The following FAM13C variants were observed in gnomAD, a reference collection of about 807,000 sequenced individuals.
FAM13C encodes family with sequence similarity 13 member C, also known as protein FAM13C.
Under a neutral mutation model 73.2 loss-of-function variants are expected in FAM13C, and 37 were observed. That is an observed-to-expected ratio of 0.51 (90% CI 0.39 to 0.67). FAM13C has a LOEUF of 0.67. Among genes scored for constraint, FAM13C ranks in the 30% least tolerant of loss-of-function variants. The probability of loss-of-function intolerance (pLI) is 0.00; values close to 1 mark genes in which losing one functional copy is unlikely to be tolerated. For missense variants in FAM13C, 589 were observed against 715.6 expected, an observed-to-expected ratio of 0.82 and a Z score of 2.02; for synonymous variants, 246 against 260.9, an observed-to-expected ratio of 0.94 and a Z score of 0.55.
At position 59,247,134 on chromosome 10, in the gene FAM13C, A is replaced by G. The variant is rs1274833199; in HGVS notation, c.*480T>C. 2 of 156,880 alleles carry G rather than the reference A, an allele frequency of 1.3e-5. No homozygotes were observed. The highest frequency in any genetic ancestry group is 4.8e-5 in the African/African-American group (2 of 41,602). 9.7% of individuals were successfully genotyped at this position (156,880 alleles called of 1,614,324 possible). ...GTAGTAAATGTTTTATCACTCAAAA[A>G]TCCATTAGAAGTTTCAAATAAATTG... On this transcript the variant is annotated 3_prime_UTR_variant, in exon 14 of 14. Transcript: ENST00000618804.
chr10:59,286,532 T>TATATATATATATATATATATATATATAA (rs1845578927), intron 5 of FAM13C, among the ~76,000 whole-genome samples: 1 of 141,492 alleles, frequency 7.1e-6, no homozygotes, highest in Non-Finnish European at 1.5e-5. Context: ...TATATATATA[T>TATATATATATATATATATATATATATAA]ATATATATAT....
chr10:59,254,540 A>G (rs769727166), intron 10 of FAM13C, 97 bp from the exon 11 acceptor site: 2 of 505,626 alleles, frequency 4.0e-6, no homozygotes, highest in Non-Finnish European at 6.9e-6. Context: ...AAGGATTATA[A>G]TACTATAATG....
chr10:59,332,351 T>A (rs1852110316), intron 3 of FAM13C, among the ~76,000 whole-genome samples: 1 of 152,120 alleles, frequency 6.6e-6, no homozygotes, highest in Non-Finnish European at 1.5e-5. Flanking sequence ...TGTGTTGCTT[T>A]TATAATCTAA....
In FAM13C at chr10:59,246,656, G is replaced by T; in HGVS notation, c.*958C>A. 1 of 397,512 alleles carries T rather than the reference G, an allele frequency of 2.5e-6. No individual in the cohort carries two copies. Among genetic ancestry groups the T allele is most frequent in the South Asian group, 1.3e-4 (1 of 7,838 alleles). 24.6% of individuals were successfully genotyped at this position (397,512 alleles called of 1,614,324 possible). On this transcript the variant is annotated 3_prime_UTR_variant, in exon 14 of 14. Transcript: ENST00000618804. ...TTCTGGCTTCTTTTTCAAGGTATCAGGGCAAACAATTTCCAAACTTTTCAT... is the reference window on the plus strand; with the variant it reads ...TTCTGGCTTCTTTTTCAAGGTATCATGGCAAACAATTTCCAAACTTTTCAT...
At chr10:59,359,012 C>G (rs1215238968) in intron 1 of FAM13C, among the ~76,000 whole-genome samples, 1 of 152,222 alleles carries the variant, frequency 6.6e-6, no homozygotes, top group East Asian at 1.9e-4. Context: ...TAAATCATTT[C>G]TGTCCTTTCC....
At chr10:59,314,694 C>T (rs994511349) in intron 4 of FAM13C, among the ~76,000 whole-genome samples, 1 of 152,046 alleles carries the variant, frequency 6.6e-6, no homozygotes, top group Non-Finnish European at 1.5e-5. Context: ...TGGACCCCAC[C>T]CCCACTTAAA....
upstream of FAM13C, chr10:59,362,610 C>A: frequency 6.8e-7 from 1 of 1,467,210 alleles, no homozygotes; most frequent in South Asian, 1.4e-5. Context: ...CGTAACGACA[C>A]CCCCAGCAGG....
chr10:59,278,904 C>T (rs954972627), intron 6 of FAM13C, among the ~76,000 whole-genome samples: 1 of 152,124 alleles, frequency 6.6e-6, no homozygotes, highest in Non-Finnish European at 1.5e-5. Flanking sequence ...ATTCTGTGCA[C>T]TTCTGAGGTT....
intron 3 of FAM13C, among the ~76,000 whole-genome samples, chr10:59,337,533 G>A (rs1204871502): frequency 6.6e-6 from 1 of 152,192 alleles, no homozygotes; most frequent in Non-Finnish European, 1.5e-5. Context: ...GCCAGAGCAA[G>A]TTGTTATTGA....
At chr10:59,259,768 C>T (rs553414185) in intron 10 of FAM13C, among the ~76,000 whole-genome samples, 86 of 152,234 alleles carry the variant, frequency 5.6e-4, no homozygotes, top group Non-Finnish European at 7.6e-4. Flanking sequence ...GTGACTTCCA[C>T]GCATGAGGAG....
chr10:59,294,932 G>A (rs1172535895), intron 5 of FAM13C, among the ~76,000 whole-genome samples: 1 of 152,178 alleles, frequency 6.6e-6, no homozygotes, highest in Non-Finnish European at 1.5e-5. Context: ...CATGCTTCCA[G>A]AGACCAACAT....
intron 4 of FAM13C, among the ~76,000 whole-genome samples, chr10:59,304,248 G>A (rs1451921981): frequency 6.6e-6 from 1 of 152,078 alleles, no homozygotes; most frequent in Non-Finnish European, 1.5e-5. Flanking sequence ...TATAGATGCT[G>A]GATATCAGAC....
Position 59,324,072 on chromosome 10 carries a change from C to A in FAM13C, c.359G>T (p.Cys120Phe), listed in dbSNP as rs1300410824. The A allele has an allele frequency of 6.2e-7, 1 of 1,613,932 alleles. No homozygotes were observed. The change falls in exon 4 of 14, where the codon TGT becomes TTT. Residue 120 changes from cysteine (C) to phenylalanine (F), a missense_variant. Coordinates refer to ENST00000618804, the MANE Select transcript of FAM13C (RefSeq NM_198215.4). ...AGCTGGTGTTCCTGCTCTCACCTGACACTCTGACTGGCTGGATACCACATG... is the reference window on the plus strand; with the variant it reads ...AGCTGGTGTTCCTGCTCTCACCTGAAACTCTGACTGGCTGGATACCACATG... ...TEHVVSSQSECQVRAGTPAHE... is the reference protein window; with the variant it reads ...TEHVVSSQSEFQVRAGTPAHE...
At chr10:59,333,460 C>G (rs985212763) in intron 3 of FAM13C, among the ~76,000 whole-genome samples, 1 of 152,056 alleles carries the variant, frequency 6.6e-6, no homozygotes, top group Non-Finnish European at 1.5e-5. Flanking sequence ...TGCACTCCAG[C>G]CTGGGTGACA....
At chr10:59,289,423 C>T (rs1845966151) in intron 5 of FAM13C, among the ~76,000 whole-genome samples, 1 of 152,182 alleles carries the variant, frequency 6.6e-6, no homozygotes, top group South Asian at 2.1e-4. Context: ...AGAGCCACCC[C>T]AAGAAGGCTT....
chr10:59,256,005 T>G (rs1163337986), intron 10 of FAM13C, among the ~76,000 whole-genome samples: 1 of 152,214 alleles, frequency 6.6e-6, no homozygotes, highest in Non-Finnish European at 1.5e-5. Flanking sequence ...AATCTTCTTT[T>G]AAGTTCCATA....
chr10:59,360,853 GAAAAAAAAAAAA>G (rs10615623), intron 1 of FAM13C, among the ~76,000 whole-genome samples: 5 of 57,992 alleles, frequency 8.6e-5, no homozygotes, highest in African/African-American at 2.5e-4. Flanking sequence ...AACCTCTACA[GAAAAAAAAAAAA>G]AAAAAAAAAA....
Position 59,264,181 on chromosome 10 carries a change from A to T in FAM13C, c.943-15T>A. On this transcript the variant is annotated splice_polypyrimidine_tract_variant and intron_variant, in intron 8 of 13. Coordinates refer to ENST00000618804, the MANE Select transcript of FAM13C (RefSeq NM_198215.4). Reference sequence around the variant, plus strand: ...CCATGTGAAGGCTACCAAGGGAAGGAAAAAATGGGGGTGGAAGGGAGGGAA... The same window carrying T: ...CCATGTGAAGGCTACCAAGGGAAGGTAAAAATGGGGGTGGAAGGGAGGGAA... 1 of 1,599,748 alleles carries T rather than the reference A, an allele frequency of 6.3e-7. No individual in the cohort carries two copies. The highest frequency in any genetic ancestry group is 8.6e-7 in the Non-Finnish European group (1 of 1,167,798).
intron 1 of FAM13C, among the ~76,000 whole-genome samples, chr10:59,358,701 CT>C (rs1377194622): frequency 6.6e-6 from 1 of 152,104 alleles, no homozygotes; most frequent in Non-Finnish European, 1.5e-5. Flanking sequence ...ATTTTTCCCC[CT>C]CATTTGATTT....
Sources: gnomAD v4.1 joint callset for allele counts (sites outside exome capture counted in the v4.1 genomes callset) on GRCh38, gnomAD v4.1.1 for gene constraint, MANE v1.5 for transcripts, NCBI Gene and HGNC (gene_info 2026-07-23, HGNC 2026-07-21) for gene names.